The following NCOA7 variants were observed in gnomAD, a reference collection of about 807,000 sequenced individuals.
NCOA7 encodes nuclear receptor coactivator 7.
A neutral mutation model predicts 104.3 loss-of-function variants in NCOA7; 45 were observed. The observed-to-expected ratio is 0.43, with a 90% CI of 0.34 to 0.55. The LOEUF (loss-of-function observed/expected upper bound fraction) is 0.55, where lower values mean the gene tolerates loss of function less well. Among genes scored for constraint, NCOA7 ranks in the 20% least tolerant of loss-of-function variants. The pLI is 0.02. For missense variants in NCOA7, 1,041 were observed against 1,119.7 expected, an observed-to-expected ratio of 0.93 and a Z score of 1.00; for synonymous variants, 398 against 402.3, an observed-to-expected ratio of 0.99 and a Z score of 0.13.
chr6:125,806,039 T>C (rs1776415332), intron 1 of NCOA7, among the ~76,000 whole-genome samples: 1 of 152,070 alleles, frequency 6.6e-6, no homozygotes, highest in African/African-American at 2.4e-5. Flanking sequence ...CAGGCCTGTC[T>C]TACTTTAAAG....
At chr6:125,880,066 T>C (rs1783695267) in intron 5 of NCOA7, among the ~76,000 whole-genome samples, 1 of 152,188 alleles carries the variant, frequency 6.6e-6, no homozygotes. Context: ...ATTAAAAGAA[T>C]ATTGAATGAC....
chr6:125,855,192 C>T lies in NCOA7; in HGVS notation c.223C>T (p.Gln75Ter). 1 of 1,612,626 alleles carries T rather than the reference C, an allele frequency of 6.2e-7. No individual in the cohort carries two copies. Residue 75 changes from glutamine (Q) to a stop codon, truncating the protein, a stop_gained, in exon 3 of 16, where the codon CAG (glutamine) becomes TAG (stop). Transcript: ENST00000392477. LOFTEE classifies it high-confidence loss of function. ...TDEKKKRKSN[Q>*]LKEIRRTELK... is the part of the protein sequence containing the mutation. The stretch of plus-strand genomic sequence containing the variant: ...TGAGAAAAAAAAGAGAAAAAGTAAT[C>T]AGTTAAAGGAGATCAGGCGTACAGA...
intron 1 of NCOA7, among the ~76,000 whole-genome samples, chr6:125,800,680 A>G (rs1583238340): frequency 6.6e-6 from 1 of 152,318 alleles, no homozygotes; most frequent in East Asian, 1.9e-4. Context: ...TTGCCTTTAG[A>G]GAGTTTACAG....
intron 11 of NCOA7, among the ~76,000 whole-genome samples, chr6:125,919,018 G>A (rs757457588): frequency 5.3e-5 from 8 of 151,946 alleles, no homozygotes; most frequent in African/African-American, 9.7e-5. Context: ...CTGGAGGGAC[G>A]ATTAGGAAAA....
chr6:125,921,520 C>G (rs1441323794), intron 12 of NCOA7, among the ~76,000 whole-genome samples: 1 of 152,156 alleles, frequency 6.6e-6, no homozygotes, highest in Non-Finnish European at 1.5e-5. Flanking sequence ...GCCAGTGCCC[C>G]CTGCTCTGCC....
In NCOA7 at chr6:125,840,868, G is replaced by GTTTTTTTTTTTT. The variant is rs57168444; in HGVS notation, c.51-14121_51-14110dup. On this transcript the variant is annotated intron_variant, in intron 2 of 15. Coordinates refer to ENST00000392477, the MANE Select transcript of NCOA7 (RefSeq NM_181782.5). ...TTTTATGGTTTTTTTTGTTTGGTTG[G>GTTTTTTTTTTTT]TTTTTTTTTTTTTTTTTTTTTTTTT... Among the ~76,000 whole-genome samples the GTTTTTTTTTTTT allele has an allele frequency of 8.9e-4, 36 of 40,366 alleles. 4 individuals carry two copies. Among genetic ancestry groups the GTTTTTTTTTTTT allele is most frequent in the Non-Finnish European group, 9.8e-4 (23 of 23,444 alleles). 26.5% of individuals were successfully genotyped at this position (40,366 alleles called of 152,430 possible).
At chr6:125,816,481 A>G (rs962567238) in intron 2 of NCOA7, among the ~76,000 whole-genome samples, 1 of 152,240 alleles carries the variant, frequency 6.6e-6, no homozygotes, top group Non-Finnish European at 1.5e-5. Flanking sequence ...AGTTAGGAAT[A>G]GTAAATCATG....
chr6:125,824,618 G>T (rs572154324), intron 2 of NCOA7, among the ~76,000 whole-genome samples: 1 of 152,232 alleles, frequency 6.6e-6, no homozygotes, highest in East Asian at 1.9e-4. Flanking sequence ...GTAAATTTCA[G>T]GGAGTTTATA....
intron 4 of NCOA7, chr6:125,875,199 T>A (rs560264108): frequency 4.0e-4 from 171 of 422,630 alleles, no homozygotes; most frequent in Non-Finnish European, 6.7e-4. Context: ...GCAACATCCA[T>A]CACCCTGTTG....
chr6:125,851,112 A>G (rs1781085682), intron 2 of NCOA7, among the ~76,000 whole-genome samples: 1 of 152,124 alleles, frequency 6.6e-6, no homozygotes, highest in African/African-American at 2.4e-5. Context: ...TTTTATTATT[A>G]ATTATATGAT....
In NCOA7 at chr6:125,889,310, T is replaced by G. The variant is rs1360663735; in HGVS notation, c.1256T>G (p.Leu419Trp). The change falls in exon 9 of 16, where the codon TTG (leucine) becomes TGG (tryptophan). Residue 419 changes from leucine to tryptophan, a missense_variant. Leu to Trp is a moderately conservative substitution (Grantham distance 61). Around this residue, in one of 2 missense-constraint regions of NCOA7, gnomAD observed 914 missense variants for 942.7 expected, o/e 0.97. Transcript: ENST00000392477. ...FLGEDDDFVD[L>W]EELSSQTGGG... ...GGGGAAGATGATGATTTTGTTGACT[T>G]GGAAGAACTTTCTTCTCAAACTGGT... 1.2e-6 allele frequency: 2 copies of G among 1,614,110 alleles called. No homozygotes were observed. Among genetic ancestry groups the G allele is most frequent in the Non-Finnish European group, 8.5e-7 (1 of 1,179,996 alleles).
intron 2 of NCOA7, among the ~76,000 whole-genome samples, chr6:125,818,258 T>C (rs1302102747): frequency 6.6e-6 from 1 of 152,204 alleles, no homozygotes; most frequent in African/African-American, 2.4e-5. Context: ...TGTTAACCTC[T>C]TCTTGTTCCT....
At position 125,820,198 on chromosome 6, in the gene NCOA7, A is replaced by G. The variant is rs116800782; in HGVS notation, c.50+4794A>G. On this transcript the variant is annotated intron_variant, in intron 2 of 15. Transcript: ENST00000392477. ...CATCATTCTCAGTGACAAAGGATGCAAAGTGTAGAACATTTCTTAGCTCCC... is the reference window on the plus strand; with the variant it reads ...CATCATTCTCAGTGACAAAGGATGCGAAGTGTAGAACATTTCTTAGCTCCC... Among the ~76,000 whole-genome samples, 1,342 of 152,268 alleles carry G rather than the reference A, an allele frequency of 8.8e-3. 14 individuals carry two copies. Among genetic ancestry groups the G allele is most frequent in the African/African-American group, 0.031 (1,275 of 41,540 alleles).
rs765553406 is a variant in NCOA7 at position 125,836,112 on chromosome 6, G to A, written c.51-18908G>A. On this transcript the variant is annotated intron_variant, in intron 2 of 15. Coordinates refer to ENST00000392477, the MANE Select transcript of NCOA7 (RefSeq NM_181782.5). Reference sequence around the variant, plus strand: ...TATATTTTCATCTTAAACTGTTTTAGAATTTTTAATATTGTGACAGCTTTA... The same window carrying A: ...TATATTTTCATCTTAAACTGTTTTAAAATTTTTAATATTGTGACAGCTTTA... Among the ~76,000 whole-genome samples, 39 of 152,088 alleles carry A rather than the reference G, an allele frequency of 2.6e-4. 1 individual carries two copies. The highest frequency in any genetic ancestry group is 4.8e-5 in the African/African-American group (2 of 41,418).
intron 2 of NCOA7, among the ~76,000 whole-genome samples, chr6:125,849,171 C>T (rs981268115): frequency 2.6e-5 from 4 of 152,176 alleles, no homozygotes; most frequent in South Asian, 4.1e-4. Flanking sequence ...GAAGAAAACC[C>T]GTTTTCATTC....
At chr6:125,852,198 T>C (rs2096924372) in intron 2 of NCOA7, among the ~76,000 whole-genome samples, 1 of 152,042 alleles carries the variant, frequency 6.6e-6, no homozygotes, top group African/African-American at 2.4e-5. Context: ...GTTTTTTTGT[T>C]TGTTTGTTTC....
At chr6:125,881,717 G>T in intron 6 of NCOA7, among the ~76,000 whole-genome samples, 1 of 145,038 alleles carries the variant, frequency 6.9e-6, no homozygotes. Context: ...TTGTGTAAAA[G>T]TATGAAGTTA....
intron 2 of NCOA7, among the ~76,000 whole-genome samples, chr6:125,819,848 C>T (rs1303381232): frequency 4.6e-5 from 7 of 152,140 alleles, no homozygotes; most frequent in African/African-American, 1.4e-4. Context: ...CCGAGTAGGT[C>T]CTTGTATGCC....
At chr6:125,924,089 G>A (rs1167866734) in intron 13 of NCOA7, among the ~76,000 whole-genome samples, 1 of 152,164 alleles carries the variant, frequency 6.6e-6, no homozygotes, top group Non-Finnish European at 1.5e-5. Flanking sequence ...AATGATAACA[G>A]TTGGTTTAAA....
Sources: gnomAD v4.1 joint callset for allele counts (sites outside exome capture counted in the v4.1 genomes callset) on GRCh38, gnomAD v4.1.1 for gene constraint, gnomAD v4.1.1 regional missense constraint, MANE v1.5 for transcripts, NCBI Gene and HGNC (gene_info 2026-07-23, HGNC 2026-07-21) for gene names.